Variants in TMEM255A observed in about 807,000 individuals in gnomAD.
The protein encoded by TMEM255A is family with sequence similarity 70, member A.
A neutral mutation model predicts 23.5 loss-of-function variants in TMEM255A; 14 were observed. That is an observed-to-expected ratio of 0.60 (90% CI 0.39 to 0.93). The LOEUF (loss-of-function observed/expected upper bound fraction) is 0.93. TMEM255A is among the 40% of genes least tolerant of loss of function. The probability of loss-of-function intolerance (pLI) is 0.00; values close to 1 mark genes in which losing one functional copy is unlikely to be tolerated. For missense variants in TMEM255A, 233 were observed against 261.7 expected, an observed-to-expected ratio of 0.89 and a Z score of 0.76; for synonymous variants, 104 against 100.3, an observed-to-expected ratio of 1.04 and a Z score of -0.22.
At chrX:120,271,992 T>C (rs1324191518) in intron 7 of TMEM255A, among the ~76,000 whole-genome samples, 2 of 112,454 alleles carry the variant, frequency 1.8e-5, no homozygotes, top group Non-Finnish European at 3.8e-5. Flanking sequence ...ATCCGCTATT[T>C]ATAAAGAACT....
chrX:120,260,989 A>G lies in TMEM255A; in HGVS notation c.859T>C (p.Ser287Pro), dbSNP rs374699898. 34 of 1,194,790 alleles carry G rather than the reference A, an allele frequency of 2.8e-5. No individual in the cohort carries two copies. The highest frequency in any genetic ancestry group is 3.8e-5 in the Non-Finnish European group (34 of 890,400). Residue 287 changes from serine to proline, a missense_variant, in exon 9 of 9, where the codon TCT becomes CCT. Coordinates refer to ENST00000371369, the MANE Select transcript of TMEM255A (RefSeq NM_001104544.3). ...GGAGAGGCAGACTGGGGCTCATCAG[A>G]AAGTCCAGAGGGAGGGGAGGATGGA... ...VFPSSPPSGLSDEPQSASPSP... is the reference protein window; with the variant it reads ...VFPSSPPSGLPDEPQSASPSP...
At chrX:120,284,862 C>T (rs1262082983) in intron 6 of TMEM255A, among the ~76,000 whole-genome samples, 2 of 111,949 alleles carry the variant, frequency 1.8e-5, no homozygotes, top group Non-Finnish European at 3.8e-5. Flanking sequence ...TTGTCTGTTT[C>T]CTTTGAACTT....
rs1185726901 is a variant in TMEM255A, at chrX:120,259,746, G to A, written c.*1124C>T. On this transcript the variant is annotated 3_prime_UTR_variant, in exon 9 of 9. Coordinates refer to ENST00000371369, the MANE Select transcript of TMEM255A (RefSeq NM_001104544.3). The stretch of plus-strand genomic sequence containing the variant: ...AAAGAACTGTACAAATACCTACCAC[G>A]GTGTGCCAGATGGATTTTAAATCTG... The A allele has an allele frequency of 8.9e-6, 1 of 111,734 alleles. No homozygotes were observed. The highest frequency in any genetic ancestry group is 1.9e-5 in the Non-Finnish European group (1 of 53,096). The allele number at this position is 111,734 out of a possible 1,213,427, so 9.2% of individuals were successfully genotyped here. A position where few individuals can be genotyped will look rare whatever the true frequency, so the allele number is the denominator to read the frequency against.
intron 5 of TMEM255A, chrX:120,285,891 T>A (rs1438369924): frequency 1.7e-6 from 2 of 1,187,255 alleles, no homozygotes; most frequent in East Asian, 3.1e-5. Context: ...ATTTACCATC[T>A]CTTGTTAGCA....
chrX:120,261,987 G>T (rs2057683776), intron 8 of TMEM255A, among the ~76,000 whole-genome samples: 1 of 111,852 alleles, frequency 8.9e-6, no homozygotes, highest in Non-Finnish European at 1.9e-5. Flanking sequence ...AACTTGGCAT[G>T]CTTTTAAAAA....
rs782562091 is a variant in TMEM255A, at chrX:120,285,719, AG to A, written c.424-505del. The A allele has an allele frequency of 4.1e-6, 5 of 1,209,329 alleles. No homozygotes were observed. The South Asian group carries it at 8.8e-5, about 21-fold the overall frequency. ...GACCTTATGTAGGAAAAATAGGGTTAGGGGGACCAGGGTTACAAGTGAACCT... is the reference window on the plus strand; with the variant it reads ...GACCTTATGTAGGAAAAATAGGGTTAGGGGACCAGGGTTACAAGTGAACCT... On this transcript the variant is annotated intron_variant, in intron 5 of 8. Transcript: ENST00000371369.
At chrX:120,288,375 C>T (rs191516551) in intron 4 of TMEM255A, among the ~76,000 whole-genome samples, 7 of 112,116 alleles carry the variant, frequency 6.2e-5, no homozygotes, top group Non-Finnish European at 1.1e-4. Flanking sequence ...TGGAGTCTAG[C>T]TGGAAAGGAA....
At chrX:120,266,306 T>C (rs2147180517) in intron 8 of TMEM255A, among the ~76,000 whole-genome samples, 2 of 110,794 alleles carry the variant, frequency 1.8e-5, no homozygotes, top group African/African-American at 6.6e-5. Context: ...TTCTTTACTT[T>C]TTTGTCCCCA....
downstream of TMEM255A, chrX:120,254,386 A>G: frequency 8.3e-7 from 1 of 1,211,731 alleles, no homozygotes; most frequent in Non-Finnish European, 1.1e-6. Context: ...TTAACAGGAA[A>G]CAAGGCCAAT....
intron 6 of TMEM255A, among the ~76,000 whole-genome samples, chrX:120,278,407 C>T (rs2147191876): frequency 8.9e-6 from 1 of 112,439 alleles, no homozygotes; most frequent in African/African-American, 3.2e-5. Flanking sequence ...CATTCATTCC[C>T]ATATGAAAAT....
intron 8 of TMEM255A, 132 bp downstream of exon 8, chrX:120,268,112 T>C: frequency 1.4e-6 from 1 of 737,198 alleles, no homozygotes; most frequent in Non-Finnish European, 1.9e-6. Flanking sequence ...CTGCTGGCCA[T>C]TAGGGAGATG....
chrX:120,253,513 A>G, the TMEM255A span: 1 of 1,211,778 alleles, frequency 8.3e-7, no homozygotes. Flanking sequence ...CTCTTCTGTG[A>G]TGTTACCGTT....
At chrX:120,290,102 G>T (rs1257277182) in intron 4 of TMEM255A, among the ~76,000 whole-genome samples, 2 of 111,333 alleles carry the variant, frequency 1.8e-5, no homozygotes, top group Non-Finnish European at 3.8e-5. Flanking sequence ...CTGTGGTGAT[G>T]GTTGCACATA....
chrX:120,296,907 ATATATATAT>A (rs2057982001), intron 2 of TMEM255A, among the ~76,000 whole-genome samples: 2 of 3,260 alleles, frequency 6.1e-4, no homozygotes, highest in Non-Finnish European at 8.2e-4. Flanking sequence ...ATATAATATT[ATATATATAT>A]TATATATAAT....
rs150432244 is a variant in TMEM255A, at chrX:120,277,470, C to T, written c.513-423G>A. 2.8e-3 allele frequency among the ~76,000 whole-genome samples: 311 copies of T among 112,485 alleles called. 2 individuals are homozygous for T. The highest frequency in any genetic ancestry group is 9.6e-3 in the African/African-American group (296 of 30,993). ...GAAAAATTCAGTTGGTAAGTCTCACCAGCCACATTTCAAGTGCTCAATAGT... is the reference window on the plus strand; with the variant it reads ...GAAAAATTCAGTTGGTAAGTCTCACTAGCCACATTTCAAGTGCTCAATAGT... On this transcript the variant is annotated intron_variant, in intron 6 of 8. Transcript: ENST00000371369.
At position 120,272,462 on chromosome X, in the gene TMEM255A, A is replaced by G. The variant is rs782815997; in HGVS notation, c.676-4075T>C. Among the ~76,000 whole-genome samples, 4 of 111,405 alleles carry G rather than the reference A, an allele frequency of 3.6e-5. No homozygotes were observed. In the South Asian group the frequency reaches 1.5e-3, roughly 43 times the overall value. On this transcript the variant is annotated intron_variant, in intron 7 of 8. Transcript: ENST00000371369. ...TTGAACTGTAATCCCTGTAATCCCCAGGTGTTGAGGGAGAGACCTGGTGGG... is the reference window on the plus strand; with the variant it reads ...TTGAACTGTAATCCCTGTAATCCCCGGGTGTTGAGGGAGAGACCTGGTGGG...
intron 1 of TMEM255A, among the ~76,000 whole-genome samples, chrX:120,305,064 T>C (rs1556026785): frequency 9.0e-6 from 1 of 111,633 alleles, no homozygotes; most frequent in Non-Finnish European, 1.9e-5. Flanking sequence ...ATTTGTCACA[T>C]AACAAATGTG....
intron 1 of TMEM255A, among the ~76,000 whole-genome samples, chrX:120,310,981 CA>C (rs2058096924): frequency 9.1e-6 from 1 of 110,148 alleles, no homozygotes; most frequent in African/African-American, 3.3e-5. Flanking sequence ...TCTGTAGACA[CA>C]CGCACACAAA....
At position 120,287,217 on chromosome X, in the gene TMEM255A, C is replaced by T. The variant is rs2057882601; in HGVS notation, c.360G>A (p.Leu120=). The T allele has an allele frequency of 8.3e-7, 1 of 1,205,354 alleles. No homozygotes were observed. Among genetic ancestry groups the T allele is most frequent in the Non-Finnish European group, 1.1e-6 (1 of 892,720 alleles). ...GGCACCGGTTAGCGTAGAGTGGTTT[C>T]AGATCCTGAAAAGGGAAACACCAAA... ...DGVFAARHID[L]KPLYANRCHY... is the part of the protein sequence containing the mutation. Residue 120 remains leucine, a synonymous_variant, in exon 5 of 9, where the codon CTG becomes CTA. Transcript: ENST00000371369.
Sources: allele counts gnomAD v4.1 joint callset (sites outside exome capture counted in the v4.1 genomes callset), GRCh38; gene constraint gnomAD v4.1.1; transcripts MANE v1.5; gene names NCBI Gene and HGNC (gene_info 2026-07-23, HGNC 2026-07-21).